Variants in SCN4B observed in about 807,000 individuals in gnomAD.
SCN4B encodes the protein sodium channel regulatory subunit beta-4.
Under a neutral mutation model 19.6 loss-of-function variants are expected in SCN4B, and 20 were observed. That is an observed-to-expected ratio of 1.02 (90% confidence interval 0.72 to 1.48). SCN4B has a LOEUF of 1.48. Among genes scored for constraint, SCN4B ranks in the 40% most tolerant of loss-of-function variants. The pLI is 0.00. For synonymous variants in SCN4B, 127 were observed against 122.8 expected, an observed-to-expected ratio of 1.03 and a Z score of -0.22; for missense variants, 271 against 287.5, an observed-to-expected ratio of 0.94 and a Z score of 0.42.
At chr11:118,137,167 TA>T (rs775611146) in intron 4 of SCN4B, 47 bp from the exon 5 acceptor site, 2 of 1,403,410 alleles carry the variant, frequency 1.4e-6, no homozygotes, top group Non-Finnish European at 2.0e-6. Context: ...GGAGCAAGAG[TA>T]GGGGGAGAAT....
Position 118,133,694 on chromosome 11 carries a change from C to T in SCN4B, c.*3333G>A, listed in dbSNP as rs1320290700. 1 of 454,398 alleles carries T rather than the reference C, an allele frequency of 2.2e-6. No homozygotes were observed. The highest frequency in any genetic ancestry group is 2.0e-5 in the African/African-American group (1 of 49,956). 28.1% of individuals were successfully genotyped at this position (454,398 alleles called of 1,614,324 possible). On this transcript the variant is annotated 3_prime_UTR_variant, in exon 5 of 5. Transcript: ENST00000324727. ...GTGGGAGGTGGGAGGGTAGGGACTCCAACCTGGGACAAAGTAAAGTAAAGC... is the reference window on the plus strand; with the variant it reads ...GTGGGAGGTGGGAGGGTAGGGACTCTAACCTGGGACAAAGTAAAGTAAAGC...
rs552887524 is a variant in SCN4B, at chr11:118,136,664, T to G, written c.*363A>C. 2 of 465,940 alleles carry G rather than the reference T, an allele frequency of 4.3e-6. No homozygotes were observed. Among genetic ancestry groups the G allele is most frequent in the African/African-American group, 2.0e-5 (1 of 50,492 alleles). 28.9% of individuals were successfully genotyped at this position (465,940 alleles called of 1,614,324 possible). On this transcript the variant is annotated 3_prime_UTR_variant, in exon 5 of 5. Coordinates refer to ENST00000324727, the MANE Select transcript of SCN4B (RefSeq NM_174934.4). ...GGACATCCCTTACGGATCCTCCCAG[T>G]CTCTTGTGAAGAGAAGCCTGGAGGA... is the stretch of plus-strand genomic sequence containing the variant.
At position 118,151,034 on chromosome 11, in the gene SCN4B, C is replaced by T. The variant is rs564045688; in HGVS notation, c.61+1579G>A. Among the ~76,000 whole-genome samples the T allele has an allele frequency of 2.2e-3, 330 of 152,266 alleles. 1 individual carries two copies. Among genetic ancestry groups the T allele is most frequent in the Non-Finnish European group, 3.6e-3 (245 of 68,018 alleles). On this transcript the variant is annotated intron_variant, in intron 1 of 4. Coordinates refer to ENST00000324727, the MANE Select transcript of SCN4B (RefSeq NM_174934.4). ...CAATAGGCCTTAGCCCCTACCTGGT[C>T]TATACAGCTGAACAGTCCTTGGAGA... is the stretch of plus-strand genomic sequence containing the variant.
At chr11:118,152,507 G>T in intron 1 of SCN4B, 106 bp downstream of exon 1, 2 of 952,558 alleles carry the variant, frequency 2.1e-6, no homozygotes, top group Non-Finnish European at 3.3e-6. Context: ...CTCATTCCGT[G>T]CCGCACTCCA....
At chr11:118,139,888 C>CTTTTTTTTT (rs5795120) in intron 4 of SCN4B, among the ~76,000 whole-genome samples, 2 of 139,736 alleles carry the variant, frequency 1.4e-5, no homozygotes, top group Admixed American at 7.5e-5. Context: ...TCTAGCATTC[C>CTTTTTTTTT]TTTTTTTTTT....
intron 4 of SCN4B, 38 bp from the exon 5 acceptor site, chr11:118,137,158 G>A (rs1948026822): frequency 6.8e-7 from 1 of 1,462,062 alleles, no homozygotes; most frequent in Non-Finnish European, 9.6e-7. Flanking sequence ...GTGAGGAGAG[G>A]AGCAAGAGTA....
Position 118,133,788 on chromosome 11 carries a change from T to C in SCN4B, c.*3239A>G, listed in dbSNP as rs556337578. 2.2e-6 allele frequency: 1 copy of C among 454,578 alleles called. No homozygotes were observed. The highest frequency in any genetic ancestry group is 6.9e-5 in the East Asian group (1 of 14,394). The allele number at this position is 454,578 out of a possible 1,614,324, so 28.2% of individuals were successfully genotyped here. A position where few individuals can be genotyped will look rare whatever the true frequency, so the allele number is the denominator to read the frequency against. On this transcript the variant is annotated 3_prime_UTR_variant, in exon 5 of 5. Transcript: ENST00000324727. ...CTACTGCCAGCCCTCTGATGGCAGC[T>C]GTCTGTGACACTGAGATGAAGTCAT...
chr11:118,135,261 A>G lies in SCN4B; in HGVS notation c.*1766T>C, dbSNP rs749853808. On this transcript the variant is annotated 3_prime_UTR_variant, in exon 5 of 5. Coordinates refer to ENST00000324727, the MANE Select transcript of SCN4B (RefSeq NM_174934.4). ...GAGCCCAGCAGGTTGGCTAAGGGAC[A>G]CTGGCCACAGCCACGGGCACCCTGC... The G allele has an allele frequency of 1.3e-5, 6 of 453,810 alleles. No individual in the cohort carries two copies. The highest frequency in any genetic ancestry group is 6.0e-5 in the African/African-American group (3 of 49,980). The allele number at this position is 453,810 out of a possible 1,614,324, so 28.1% of individuals were successfully genotyped here. A position where few individuals can be genotyped will look rare whatever the true frequency, so the allele number is the denominator to read the frequency against.
chr11:118,145,157 T>C lies in SCN4B; in HGVS notation c.134A>G (p.Asn45Ser). 1.2e-6 allele frequency: 2 copies of C among 1,614,094 alleles called. No homozygotes were observed. The highest frequency in any genetic ancestry group is 1.7e-5 in the Admixed American group (1 of 60,020). Residue 45 changes from asparagine to serine, a missense_variant, in exon 2 of 5, where the codon AAT becomes AGT. Coordinates refer to ENST00000324727, the MANE Select transcript of SCN4B (RefSeq NM_174934.4). ...GCAGGGCAGCAGGATCTCCGTGCCATTGACAGCGTAGATGTCGGTGGCCTT... is the reference window on the plus strand; with the variant it reads ...GCAGGGCAGCAGGATCTCCGTGCCACTGACAGCGTAGATGTCGGTGGCCTT... ...VGKATDIYAV[N>S]GTEILLPCTF...
intron 4 of SCN4B, among the ~76,000 whole-genome samples, chr11:118,138,944 G>A (rs985245545): frequency 5.9e-5 from 9 of 151,872 alleles, no homozygotes; most frequent in African/African-American, 1.9e-4. Context: ...GGCATTCCCC[G>A]CCACTCCAAG....
chr11:118,134,697 A>G lies in SCN4B; in HGVS notation c.*2330T>C, dbSNP rs1445145488. ...GTGGGATGGAAAGAAAGAGAGAGAGAGTGTGTGTGTCTGTATGTGGGTTGT... is the reference window on the plus strand; with the variant it reads ...GTGGGATGGAAAGAAAGAGAGAGAGGGTGTGTGTGTCTGTATGTGGGTTGT... On this transcript the variant is annotated 3_prime_UTR_variant, in exon 5 of 5. Transcript: ENST00000324727. 2.2e-6 allele frequency: 1 copy of G among 453,888 alleles called. No individual in the cohort carries two copies. The highest frequency in any genetic ancestry group is 4.4e-6 in the Non-Finnish European group (1 of 226,772). 28.1% of individuals were successfully genotyped at this position (453,888 alleles called of 1,614,324 possible).
chr11:118,141,534 G>A, intron 3 of SCN4B, 198 bp from the exon 4 acceptor site: 1 of 639,054 alleles, frequency 1.6e-6, no homozygotes, highest in Non-Finnish European at 2.8e-6. Flanking sequence ...ATCAGGCTAG[G>A]GCACACATAA....
chr11:118,135,793 C>G lies in SCN4B; in HGVS notation c.*1234G>C, dbSNP rs1354804267. On this transcript the variant is annotated 3_prime_UTR_variant, in exon 5 of 5. Coordinates refer to ENST00000324727, the MANE Select transcript of SCN4B (RefSeq NM_174934.4). ...CTAGGATTCAGGACTAAGGCACATT[C>G]TAGCCCCACACACAAGGGCTGTGCA... 4.4e-6 allele frequency: 2 copies of G among 454,412 alleles called. No individual in the cohort carries two copies. Among genetic ancestry groups the G allele is most frequent in the Non-Finnish European group, 8.8e-6 (2 of 226,784 alleles). The allele number at this position is 454,412 out of a possible 1,614,324, so 28.1% of individuals were successfully genotyped here.
chr11:118,141,511 G>C (rs1047576929), intron 3 of SCN4B, 175 bp from the exon 4 acceptor site: 2 of 708,126 alleles, frequency 2.8e-6, no homozygotes, highest in East Asian at 2.7e-5. Flanking sequence ...TGGAGAGGCA[G>C]AGCATGGCAT....
chr11:118,149,415 T>C (rs34913450), intron 1 of SCN4B, among the ~76,000 whole-genome samples: 3,931 of 152,168 alleles, frequency 0.026, 87 homozygotes, highest in Non-Finnish European at 0.039. Context: ...GGCTCAAAGT[T>C]AGAGCTGGGG....
rs2135497303 is a variant in SCN4B, at chr11:118,136,786, C to A, written c.*241G>T. 2 of 636,100 alleles carry A rather than the reference C, an allele frequency of 3.1e-6. No individual in the cohort carries two copies. Among genetic ancestry groups the A allele is most frequent in the African/African-American group, 1.8e-5 (1 of 55,806 alleles). The allele number at this position is 636,100 out of a possible 1,614,324, so 39.4% of individuals were successfully genotyped here. On this transcript the variant is annotated 3_prime_UTR_variant, in exon 5 of 5. Coordinates refer to ENST00000324727, the MANE Select transcript of SCN4B (RefSeq NM_174934.4). ...GCCCCTCCACACCACCCTAGCCTCT[C>A]CTTTCTTTCTCCTGAATCTTCCACA...
chr11:118,152,575 G>A, intron 1 of SCN4B, 38 bp downstream of exon 1: 1 of 1,556,456 alleles, frequency 6.4e-7, no homozygotes. Flanking sequence ...TGGGGGTGGG[G>A]GGAGGCAAGA....
rs778743583 is a variant in SCN4B at position 118,134,414 on chromosome 11, C to T, written c.*2613G>A. On this transcript the variant is annotated 3_prime_UTR_variant, in exon 5 of 5. Coordinates refer to ENST00000324727, the MANE Select transcript of SCN4B (RefSeq NM_174934.4). ...TCCACTTGGGGAAGATAGCTTTGCC[C>T]ATATACATCCTAGTGCAAATCCATG... 1.3e-5 allele frequency: 6 copies of T among 453,998 alleles called. No individual in the cohort carries two copies. Among genetic ancestry groups the T allele is most frequent in the South Asian group, 7.8e-5 (5 of 64,484 alleles). 28.1% of individuals were successfully genotyped at this position (453,998 alleles called of 1,614,324 possible).
intron 1 of SCN4B, among the ~76,000 whole-genome samples, chr11:118,152,387 C>T (rs989432813): frequency 1.3e-5 from 2 of 152,168 alleles, no homozygotes; most frequent in Non-Finnish European, 2.9e-5. Context: ...AGCAAAAAAA[C>T]TAATCCTGAG....
Sources: gnomAD v4.1 joint callset for allele counts (sites outside exome capture counted in the v4.1 genomes callset) on GRCh38, gnomAD v4.1.1 for gene constraint, MANE v1.5 for transcripts, NCBI Gene and HGNC (gene_info 2026-07-23, HGNC 2026-07-21) for gene names.